The following THADA variants were observed in gnomAD, a reference collection of about 807,000 sequenced individuals.
The protein encoded by THADA is THADA armadillo repeat containing, also known as tRNA (32-2'-O)-methyltransferase regulator THADA.
Under a neutral mutation model 219.8 loss-of-function variants are expected in THADA, and 213 were observed. The observed-to-expected ratio is 0.97, with a 90% CI of 0.87 to 1.09. THADA has a LOEUF of 1.09. Ranked by LOEUF, THADA falls within the 50% of genes least tolerant of loss-of-function variation. THADA has a pLI of 0.00. For synonymous variants in THADA, 1,018 were observed against 828.9 expected, an observed-to-expected ratio of 1.23 and a Z score of -3.92; for missense variants, 2,956 against 2,311.3, an observed-to-expected ratio of 1.28 and a Z score of -5.72.
chr2:43,336,096 CA>C (rs1324499721), intron 30 of THADA, among the ~76,000 whole-genome samples: 222 of 134,530 alleles, frequency 1.7e-3, no homozygotes, highest in East Asian at 5.4e-3. Context: ...GACTCCATCT[CA>C]AAAAAAAAAA....
At chr2:43,271,005 A>C (rs1361987099) in intron 36 of THADA, among the ~76,000 whole-genome samples, 7 of 152,178 alleles carry the variant, frequency 4.6e-5, no homozygotes, top group Non-Finnish European at 1.5e-5. Flanking sequence ...GCCTGCTCAG[A>C]GTGGGAAAGA....
chr2:43,471,228 T>C (rs148277137), intron 26 of THADA, among the ~76,000 whole-genome samples: 1 of 152,278 alleles, frequency 6.6e-6, no homozygotes, highest in Non-Finnish European at 1.5e-5. Context: ...TCTCTGATTA[T>C]AAAGAATACA....
chr2:43,486,002 T>C (rs1686877669), intron 25 of THADA, among the ~76,000 whole-genome samples: 1 of 152,120 alleles, frequency 6.6e-6, no homozygotes, highest in Admixed American at 6.5e-5. Flanking sequence ...GAGGATTGCA[T>C]AAGGCCAGGA....
intron 29 of THADA, among the ~76,000 whole-genome samples, chr2:43,354,253 G>T (rs1265220684): frequency 1.3e-5 from 2 of 151,952 alleles, no homozygotes; most frequent in Non-Finnish European, 2.9e-5. Flanking sequence ...ACCATGCCTG[G>T]CTACATTTTA....
intron 28 of THADA, among the ~76,000 whole-genome samples, chr2:43,413,406 G>A (rs571567861): frequency 6.6e-6 from 1 of 152,218 alleles, no homozygotes; most frequent in South Asian, 2.1e-4. Context: ...AGATGGGTTG[G>A]GTTTTGGACA....
Position 43,509,537 on chromosome 2 carries a change from A to G in THADA, c.3375-757T>C, listed in dbSNP as rs1384844355. The stretch of plus-strand genomic sequence containing the variant: ...AATTAATATATGAAAATTTACAGAT[A>G]AAGTCCAAAGGAAAAACACTCTTTT... On this transcript the variant is annotated intron_variant, in intron 22 of 37. Coordinates refer to ENST00000405975, the MANE Select transcript of THADA (RefSeq NM_022065.5). Among the ~76,000 whole-genome samples the G allele has an allele frequency of 2.0e-5, 3 of 152,224 alleles. No individual in the cohort carries two copies. The South Asian group carries it at 6.2e-4, about 31-fold the overall frequency.
intron 29 of THADA, among the ~76,000 whole-genome samples, chr2:43,365,768 C>T (rs937571629): frequency 1.3e-5 from 2 of 152,056 alleles, no homozygotes; most frequent in South Asian, 4.2e-4. Context: ...CCCCAGGTTC[C>T]TCTTGAGAAA....
At chr2:43,307,136 G>A (rs538274760) in intron 31 of THADA, among the ~76,000 whole-genome samples, 31 of 152,260 alleles carry the variant, frequency 2.0e-4, no homozygotes, top group African/African-American at 7.2e-4. Context: ...TTAATCATTG[G>A]ATATGAGCAA....
At chr2:43,354,413 T>C (rs1026506427) in intron 29 of THADA, among the ~76,000 whole-genome samples, 5 of 152,066 alleles carry the variant, frequency 3.3e-5, no homozygotes, top group Admixed American at 2.6e-4. Flanking sequence ...CAATAAATTA[T>C]TGTTGACTGT....
chr2:43,328,662 G>A (rs1679612871), intron 30 of THADA, among the ~76,000 whole-genome samples: 1 of 152,190 alleles, frequency 6.6e-6, no homozygotes, highest in South Asian at 2.1e-4. Context: ...GGAAGAGCAG[G>A]TTTGGATCCT....
intron 14 of THADA, among the ~76,000 whole-genome samples, chr2:43,568,918 C>A (rs1698983761): frequency 6.6e-6 from 1 of 152,082 alleles, no homozygotes; most frequent in South Asian, 2.1e-4. Context: ...TTTAACTATC[C>A]TACACACACA....
At chr2:43,588,768 T>C (rs1340096133) in intron 4 of THADA, among the ~76,000 whole-genome samples, 2 of 152,164 alleles carry the variant, frequency 1.3e-5, no homozygotes, top group Non-Finnish European at 2.9e-5. Context: ...TAACAATATC[T>C]ACCAAGAATT....
chr2:43,560,146 A>G (rs1697876525), intron 16 of THADA, 88 bp downstream of exon 16: 1 of 1,152,410 alleles, frequency 8.7e-7, no homozygotes, highest in African/African-American at 1.6e-5. Flanking sequence ...GGCAGATGCA[A>G]AGCACATGAA....
chr2:43,238,772 T>C (rs907108280), intron 36 of THADA, among the ~76,000 whole-genome samples: 1 of 152,138 alleles, frequency 6.6e-6, no homozygotes, highest in Admixed American at 6.5e-5. Context: ...AATGGAATAG[T>C]AATCAGCCAC....
At chr2:43,318,172 T>A (rs996208981) in intron 31 of THADA, among the ~76,000 whole-genome samples, 2 of 152,046 alleles carry the variant, frequency 1.3e-5, no homozygotes, top group African/African-American at 4.8e-5. Flanking sequence ...CCCAAGTACC[T>A]AGGCCTACAG....
At chr2:43,419,711 G>A (rs975167114) in intron 28 of THADA, among the ~76,000 whole-genome samples, 7 of 152,160 alleles carry the variant, frequency 4.6e-5, no homozygotes, top group African/African-American at 9.7e-5. Flanking sequence ...AATGCCTGCA[G>A]AGCACCTTTG....
At chr2:43,584,388 T>C (rs147871239) in intron 7 of THADA, among the ~76,000 whole-genome samples, 166 of 152,176 alleles carry the variant, frequency 1.1e-3, no homozygotes, top group African/African-American at 3.7e-3. Flanking sequence ...GTGGACATTA[T>C]TAAGCAGTTC....
intron 24 of THADA, among the ~76,000 whole-genome samples, chr2:43,504,731 C>A (rs1025889056): frequency 1.3e-5 from 2 of 152,172 alleles, no homozygotes; most frequent in African/African-American, 4.8e-5. Context: ...CTGACCTCAG[C>A]TGATTTGCCA....
intron 36 of THADA, among the ~76,000 whole-genome samples, chr2:43,270,410 T>A (rs1438907561): frequency 6.6e-6 from 1 of 152,164 alleles, no homozygotes; most frequent in African/African-American, 2.4e-5. Flanking sequence ...CACACTCTGG[T>A]ATCTCAGCTC....
Sources: gnomAD v4.1 joint callset for allele counts (sites outside exome capture counted in the v4.1 genomes callset) on GRCh38, gnomAD v4.1.1 for gene constraint, MANE v1.5 for transcripts, NCBI Gene and HGNC (gene_info 2026-07-23, HGNC 2026-07-21) for gene names.